DDHD1: variants seen among roughly 807,000 people sequenced by gnomAD.
The protein encoded by DDHD1 is phospholipase DDHD1.
DDHD1 carries 49 observed loss-of-function variants against 96.4 expected under a neutral mutation model. The observed-to-expected ratio is 0.51, with a 90% CI of 0.40 to 0.64. The LOEUF (loss-of-function observed/expected upper bound fraction) is 0.64. Among genes scored for constraint, DDHD1 ranks in the 30% least tolerant of loss-of-function variants. The probability of loss-of-function intolerance (pLI) is 0.00; values close to 1 mark genes in which losing one functional copy is unlikely to be tolerated. For missense variants in DDHD1, 1,106 were observed against 1,161.2 expected, an observed-to-expected ratio of 0.95 and a Z score of 0.69; for synonymous variants, 442 against 446.5, an observed-to-expected ratio of 0.99 and a Z score of 0.13.
chr14:53,076,632 T>C (rs1314059403), intron 4 of DDHD1, among the ~76,000 whole-genome samples: 1 of 152,202 alleles, frequency 6.6e-6, no homozygotes, highest in African/African-American at 2.4e-5. Context: ...TCAAACTGCA[T>C]TGCATGTTAC....
chr14:53,115,683 A>AT lies in DDHD1; in HGVS notation c.839-11828dup, dbSNP rs1888490230. Among the ~76,000 whole-genome samples the AT allele has an allele frequency of 2.2e-5, 3 of 134,436 alleles. No individual in the cohort carries two copies. In the South Asian group the frequency reaches 8.7e-4, roughly 39 times the overall value. The allele number at this position is 134,436 out of a possible 152,430, so 88.2% of individuals were successfully genotyped here. A position where few individuals can be genotyped will look rare whatever the true frequency, so the allele number is the denominator to read the frequency against. On this transcript the variant is annotated intron_variant, in intron 1 of 12. Transcript: ENST00000673822. The stretch of plus-strand genomic sequence containing the variant: ...TTTACAGACAAGCAGATGCCTAGGG[A>AT]TTTTGTCATCACCAAGCCTGCCTTA...
At chr14:53,061,362 G>C (rs1883538016) in intron 7 of DDHD1, 161 bp from the exon 8 acceptor site, 1 of 509,064 alleles carries the variant, frequency 2.0e-6, no homozygotes, top group Non-Finnish European at 3.3e-6. Context: ...CCACAGTACA[G>C]AAAGTATATA....
At chr14:53,048,212 G>T (rs1191338526) in intron 12 of DDHD1, among the ~76,000 whole-genome samples, 1 of 152,040 alleles carries the variant, frequency 6.6e-6, no homozygotes, top group Non-Finnish European at 1.5e-5. Context: ...TTCTTACAAG[G>T]TATGTTCATA....
At chr14:53,051,596 T>G (rs1210941034) in intron 12 of DDHD1, among the ~76,000 whole-genome samples, 1 of 152,060 alleles carries the variant, frequency 6.6e-6, no homozygotes, top group Non-Finnish European at 1.5e-5. Context: ...TTCTTCAGGT[T>G]CCTTCTTTGT....
At chr14:53,071,027 G>T (rs1884465583) in intron 6 of DDHD1, among the ~76,000 whole-genome samples, 1 of 152,084 alleles carries the variant, frequency 6.6e-6, no homozygotes, top group African/African-American at 2.4e-5. Context: ...AAAATGATTT[G>T]ATATTATAGT....
intron 4 of DDHD1, among the ~76,000 whole-genome samples, chr14:53,077,369 CTTACA>C (rs1885061931): frequency 6.6e-6 from 1 of 152,132 alleles, no homozygotes; most frequent in Non-Finnish European, 1.5e-5. Flanking sequence ...GAGAAATTTC[CTTACA>C]TTAAATATTT....
chr14:53,146,365 A>G (rs948382976), intron 1 of DDHD1, among the ~76,000 whole-genome samples: 4 of 151,420 alleles, frequency 2.6e-5, no homozygotes, highest in Non-Finnish European at 5.9e-5. Flanking sequence ...TCAGCCAGGC[A>G]TGGTGGCACA....
intron 6 of DDHD1, among the ~76,000 whole-genome samples, chr14:53,068,357 G>A (rs543350390): frequency 9.6e-5 from 14 of 146,186 alleles, no homozygotes; most frequent in Admixed American, 2.9e-4. Flanking sequence ...AGTCCTCCTC[G>A]GCCTCAGCAT....
chr14:53,061,978 T>G (rs551230834), intron 7 of DDHD1, among the ~76,000 whole-genome samples: 1 of 138,014 alleles, frequency 7.2e-6, no homozygotes, highest in East Asian at 2.1e-4. Context: ...GAGGTTGTAG[T>G]GAGCTGAGAC....
At chr14:53,112,951 G>T (rs185351984) in intron 1 of DDHD1, among the ~76,000 whole-genome samples, 1 of 152,076 alleles carries the variant, frequency 6.6e-6, no homozygotes, top group East Asian at 1.9e-4. Context: ...TAATTTAAAC[G>T]TGACTTTCAC....
intron 6 of DDHD1, among the ~76,000 whole-genome samples, chr14:53,066,166 T>G (rs2139884593): frequency 6.6e-6 from 1 of 152,270 alleles, no homozygotes; most frequent in African/African-American, 2.4e-5. Context: ...TATTTTTGTT[T>G]TTTTAGATGG....
Position 53,151,998 on chromosome 14 carries a change from G to A in DDHD1, c.838+263C>T, listed in dbSNP as rs948876851. ...GATCCGGTCCTGGATCACTTCCAGG[G>A]GATGGCAGCAGCACCCGGCTCACCC... On this transcript the variant is annotated intron_variant, in intron 1 of 12. Transcript: ENST00000673822. Among the ~76,000 whole-genome samples the A allele has an allele frequency of 5.3e-5, 8 of 152,170 alleles. 1 individual carries two copies. In the South Asian group the frequency reaches 1.7e-3, roughly 32 times the overall value.
At chr14:53,058,318 T>C (rs1224523752) in intron 9 of DDHD1, among the ~76,000 whole-genome samples, 159 bp downstream of exon 9, 1 of 152,034 alleles carries the variant, frequency 6.6e-6, no homozygotes, top group South Asian at 2.1e-4. Context: ...TTTCACCACA[T>C]TGGTCAGGCT....
chr14:53,066,228 C>G (rs1421338862), intron 6 of DDHD1, among the ~76,000 whole-genome samples: 1 of 151,980 alleles, frequency 6.6e-6, no homozygotes, highest in Non-Finnish European at 1.5e-5. Context: ...CTCAGCTCAC[C>G]GCAACCTCTG....
At chr14:53,140,142 G>C (rs1269074931) in intron 1 of DDHD1, among the ~76,000 whole-genome samples, 2 of 151,650 alleles carry the variant, frequency 1.3e-5, no homozygotes, top group Non-Finnish European at 2.9e-5. Context: ...GAAATACAAA[G>C]AAAAAAAAGA....
intron 1 of DDHD1, among the ~76,000 whole-genome samples, chr14:53,139,068 T>C (rs1244976679): frequency 6.6e-5 from 5 of 75,390 alleles, no homozygotes; most frequent in African/African-American, 2.0e-4. Context: ...GAAAAGGTAA[T>C]AGGAGAGAAA....
chr14:53,139,090 ACCACACCCACACC>A lies in DDHD1; in HGVS notation c.838+13158_838+13170del, dbSNP rs769535735. Reference sequence around the variant, plus strand: ...TAATAGGAGAGAAAAAAAAAAAAAAACCACACCCACACCCACACCCACACCCACAACCACACAG... The same window carrying A: ...TAATAGGAGAGAAAAAAAAAAAAAAACACACCCACACCCACAACCACACAG... On this transcript the variant is annotated intron_variant, in intron 1 of 12. Coordinates refer to ENST00000673822, the MANE Select transcript of DDHD1 (RefSeq NM_001160148.2). Among the ~76,000 whole-genome samples, 304 of 142,098 alleles carry A rather than the reference ACCACACCCACACC, an allele frequency of 2.1e-3. 2 individuals are homozygous for A. The highest frequency in any genetic ancestry group is 7.4e-3 in the Middle Eastern group (2 of 270). The allele number at this position is 142,098 out of a possible 152,430, so 93.2% of individuals were successfully genotyped here.
chr14:53,043,061 T>G lies in DDHD1; in HGVS notation c.*3707A>C, dbSNP rs949842904. 1 of 152,232 alleles carries G rather than the reference T, an allele frequency of 6.6e-6. No homozygotes were observed. The highest frequency in any genetic ancestry group is 1.5e-5 in the Non-Finnish European group (1 of 68,044). 9.4% of individuals were successfully genotyped at this position (152,232 alleles called of 1,614,324 possible). A position where few individuals can be genotyped will look rare whatever the true frequency, so the allele number is the denominator to read the frequency against. On this transcript the variant is annotated 3_prime_UTR_variant, in exon 13 of 13. Coordinates refer to ENST00000673822, the MANE Select transcript of DDHD1 (RefSeq NM_001160148.2). Reference sequence around the variant, plus strand: ...CTGACTCCACTGGAAGGGGCTCATGTACTATCACTGGAATGAACAGAGGCA... The same window carrying G: ...CTGACTCCACTGGAAGGGGCTCATGGACTATCACTGGAATGAACAGAGGCA...
At chr14:53,152,091 C>T (rs1891429855) in intron 1 of DDHD1, among the ~76,000 whole-genome samples, 170 bp downstream of exon 1, 1 of 152,162 alleles carries the variant, frequency 6.6e-6, no homozygotes, top group African/African-American at 2.4e-5. Flanking sequence ...GCCATCTGCT[C>T]GTTTACCCTT....
Sources: allele counts gnomAD v4.1 joint callset (sites outside exome capture counted in the v4.1 genomes callset), GRCh38; gene constraint gnomAD v4.1.1; transcripts MANE v1.5; gene names NCBI Gene and HGNC (gene_info 2026-07-23, HGNC 2026-07-21).